Variants in TMEM51 observed in about 807,000 individuals in gnomAD.
TMEM51 encodes the protein chromosome 1 open reading frame 72.
In TMEM51, 8 loss-of-function variants were observed where a neutral mutation model predicts 13.6. The observed-to-expected ratio is 0.59, with a 90% CI of 0.35 to 1.07. The LOEUF (loss-of-function observed/expected upper bound fraction) is 1.07. TMEM51 is among the 50% of genes least tolerant of loss of function. The pLI is 0.02. For missense variants in TMEM51, 279 were observed against 330.7 expected (o/e 0.84, Z 1.21); for synonymous variants, 147 against 144.4 (o/e 1.02, Z -0.13).
chr1:15,218,484 C>T (rs1644462566), intron 3 of TMEM51, among the ~76,000 whole-genome samples: 1 of 152,176 alleles, frequency 6.6e-6, no homozygotes, highest in African/African-American at 2.4e-5. Context: ...CTCCCATTTC[C>T]TGAAGGTCTG....
chr1:15,180,496 A>G (rs2100231009), intron 1 of TMEM51, among the ~76,000 whole-genome samples: 1 of 152,336 alleles, frequency 6.6e-6, no homozygotes, highest in South Asian at 2.1e-4. Context: ...GAAGCCCTCC[A>G]GATAATGATT....
chr1:15,205,805 C>T (rs1199089184), intron 1 of TMEM51, among the ~76,000 whole-genome samples: 1 of 152,180 alleles, frequency 6.6e-6, no homozygotes, highest in African/African-American at 2.4e-5. Context: ...ACGCTGACTT[C>T]CCTTCTGTTA....
intron 1 of TMEM51, among the ~76,000 whole-genome samples, chr1:15,198,115 C>T (rs189721641): frequency 3.3e-4 from 50 of 152,292 alleles, no homozygotes; most frequent in African/African-American, 1.1e-3. Context: ...CTCTACCTCA[C>T]ATCCTAGTAT....
At chr1:15,158,566 G>A (rs367686437) in intron 1 of TMEM51, among the ~76,000 whole-genome samples, 3 of 152,158 alleles carry the variant, frequency 2.0e-5, no homozygotes, top group Non-Finnish European at 2.9e-5. Context: ...TAGAAAAATC[G>A]GTATTTGGCA....
intron 1 of TMEM51, among the ~76,000 whole-genome samples, chr1:15,159,808 G>A (rs1360980235): frequency 1.3e-5 from 2 of 152,008 alleles, no homozygotes; most frequent in Non-Finnish European, 2.9e-5. Context: ...GCCTGCCTCG[G>A]CCTAGGCATG....
At chr1:15,203,833 C>T (rs10927718) in intron 1 of TMEM51, among the ~76,000 whole-genome samples, 4,726 of 152,248 alleles carry the variant, frequency 0.031, 232 homozygotes, top group African/African-American at 0.1. Context: ...TTACTTTGTA[C>T]AGATGACAGA....
At chr1:15,213,495 G>A (rs1048339447) in intron 2 of TMEM51, among the ~76,000 whole-genome samples, 2 of 152,180 alleles carry the variant, frequency 1.3e-5, no homozygotes, top group Admixed American at 1.3e-4. Context: ...TCCTGTCACA[G>A]GAATAATGTA....
rs1281530096 is a variant in TMEM51 at position 15,161,677 on chromosome 1, G to A, written c.-267+7723G>A. On this transcript the variant is annotated intron_variant, in intron 1 of 3. Coordinates refer to ENST00000376008, the MANE Select transcript of TMEM51 (RefSeq NM_001136218.2). The surrounding 1 kb of genome is among the most constrained non-coding windows in gnomAD (Gnocchi z 4.0). ...TTATTGGCCGGGCGCAGTGGCTCAC[G>A]CCGGTAATCCCAGCACTTTGGGAAA... Among the ~76,000 whole-genome samples, 4 of 151,626 alleles carry A rather than the reference G, an allele frequency of 2.6e-5. No individual in the cohort carries two copies. Among genetic ancestry groups the A allele is most frequent in the South Asian group, 2.1e-4 (1 of 4,812 alleles).
chr1:15,183,494 A>T (rs1378971442), intron 1 of TMEM51, among the ~76,000 whole-genome samples: 1 of 152,216 alleles, frequency 6.6e-6, no homozygotes, highest in African/African-American at 2.4e-5. Flanking sequence ...CATGGTATCT[A>T]TCTCGCCTAT....
intron 1 of TMEM51, among the ~76,000 whole-genome samples, chr1:15,196,440 G>C (rs12088124): frequency 1.3e-5 from 2 of 152,070 alleles, no homozygotes; most frequent in African/African-American, 4.8e-5. Flanking sequence ...GAAAGAGAGA[G>C]GGGGAGGGAG....
intron 1 of TMEM51, among the ~76,000 whole-genome samples, chr1:15,167,952 A>G (rs1643086292): frequency 6.6e-6 from 1 of 152,232 alleles, no homozygotes; most frequent in Non-Finnish European, 1.5e-5. Flanking sequence ...ATGGTATAAA[A>G]AAATCAAATG....
chr1:15,217,849 C>A (rs1195287750), intron 3 of TMEM51, among the ~76,000 whole-genome samples: 1 of 152,176 alleles, frequency 6.6e-6, no homozygotes, highest in African/African-American at 2.4e-5. Context: ...CAGAAACACC[C>A]TCACTCTCAC....
At chr1:15,155,228 A>C (rs190076117) in intron 1 of TMEM51, among the ~76,000 whole-genome samples, 265 of 148,952 alleles carry the variant, frequency 1.8e-3, no homozygotes, top group Non-Finnish European at 3.3e-3. Flanking sequence ...CGGAGCTGAC[A>C]GCTCTCTGAT....
chr1:15,171,383 A>G, intron 1 of TMEM51: 1 of 1,231,896 alleles, frequency 8.1e-7, no homozygotes, highest in South Asian at 1.4e-5. Context: ...GCAGAAAGGA[A>G]GGTGGAAGAG....
intron 3 of TMEM51, 70 bp downstream of exon 3, chr1:15,215,501 C>T: frequency 7.3e-7 from 1 of 1,370,718 alleles, no homozygotes; most frequent in Non-Finnish European, 9.7e-7. Flanking sequence ...CACATGTTCA[C>T]ACCTTTCCGT....
rs527646704 is a variant in TMEM51 at position 15,220,075 on chromosome 1, G to A, written c.*332G>A. The stretch of plus-strand genomic sequence containing the variant: ...CTTTCCAGCTAGGAAAGGGTTCCTC[G>A]CGGCTGGTTTAGATTGTGGTTGTTT... On this transcript the variant is annotated 3_prime_UTR_variant, in exon 4 of 4. Coordinates refer to ENST00000376008, the MANE Select transcript of TMEM51 (RefSeq NM_001136218.2). 14 of 307,736 alleles carry A rather than the reference G, an allele frequency of 4.5e-5. No homozygotes were observed. Among genetic ancestry groups the A allele is most frequent in the East Asian group, 1.2e-4 (2 of 16,238 alleles). 19.1% of individuals were successfully genotyped at this position (307,736 alleles called of 1,614,324 possible). A position where few individuals can be genotyped will look rare whatever the true frequency, so the allele number is the denominator to read the frequency against.
At chr1:15,211,363 G>A (rs943206143) in intron 2 of TMEM51, among the ~76,000 whole-genome samples, 5 of 151,954 alleles carry the variant, frequency 3.3e-5, no homozygotes, top group South Asian at 2.1e-4. Context: ...TTTTCACCCT[G>A]TCCCCAAGAA....
intron 1 of TMEM51, chr1:15,171,278 T>A (rs1214778773): frequency 7.7e-7 from 1 of 1,304,112 alleles, no homozygotes; most frequent in Non-Finnish European, 1.0e-6. Context: ...GATGACGGCA[T>A]CCTTCCAGGT....
chr1:15,152,644 G>A (rs1482646025), upstream of TMEM51: 4 of 152,314 alleles, frequency 2.6e-5, no homozygotes. Context: ...GGCTCAGAGA[G>A]GGAATGGGAG....
Sources: allele counts gnomAD v4.1 joint callset (sites outside exome capture counted in the v4.1 genomes callset), GRCh38; gene constraint gnomAD v4.1.1; non-coding constraint Gnocchi (gnomAD v3.1); transcripts MANE v1.5; gene names NCBI Gene and HGNC (gene_info 2026-07-23, HGNC 2026-07-21).